STPG4: variants seen among roughly 807,000 people sequenced by gnomAD.
The protein encoded by STPG4 is sperm-tail PG-rich repeat containing 4.
Under a neutral mutation model 31.5 loss-of-function variants are expected in STPG4, and 41 were observed. That is an observed-to-expected ratio of 1.30 (90% CI 1.01 to 1.69). The LOEUF (loss-of-function observed/expected upper bound fraction) is 1.69. Ranked by LOEUF, STPG4 falls within the 40% of genes most tolerant of loss-of-function variation. The pLI is 0.00. For missense variants in STPG4, 375 were observed against 293.4 expected (o/e 1.28, Z -2.03); for synonymous variants, 141 against 103.0 (o/e 1.37, Z -2.24).
Position 47,150,161 on chromosome 2 carries a change from G to C in STPG4, c.399+1097C>G, listed in dbSNP as rs59415749. Among the ~76,000 whole-genome samples the C allele has an allele frequency of 9.9e-5, 15 of 152,186 alleles. No homozygotes were observed. The South Asian group carries it at 2.3e-3, about 23-fold the overall frequency. On this transcript the variant is annotated intron_variant, in intron 3 of 6. Transcript: ENST00000445927. ...GGAAGCAACTAAGAGAATATACATG[G>C]AAGCCCATAGTAAACCATTAAGAGC...
At chr2:47,140,273 T>C (rs2103793560) in intron 3 of STPG4, among the ~76,000 whole-genome samples, 1 of 152,288 alleles carries the variant, frequency 6.6e-6, no homozygotes, top group South Asian at 2.1e-4. Context: ...TAGTTTCTCC[T>C]GAGGGCAGGC....
intron 5 of STPG4, among the ~76,000 whole-genome samples, chr2:47,096,404 G>C (rs1685669560): frequency 6.6e-6 from 1 of 152,194 alleles, no homozygotes; most frequent in Non-Finnish European, 1.5e-5. Flanking sequence ...TCGAGGACAA[G>C]CCTAGAGAGA....
At chr2:47,154,951 A>G (rs1379594079) in intron 1 of STPG4, among the ~76,000 whole-genome samples, 3 of 152,176 alleles carry the variant, frequency 2.0e-5, no homozygotes, top group African/African-American at 7.2e-5. Context: ...GAGAAGGAAA[A>G]GGGAAGAAGC....
chr2:47,152,041 G>A (rs1686949997), intron 2 of STPG4, among the ~76,000 whole-genome samples: 1 of 152,154 alleles, frequency 6.6e-6, no homozygotes. Context: ...GGGATTACAG[G>A]CGTGAGCCAC....
chr2:47,129,626 C>T (rs1455981936), intron 5 of STPG4: 10 of 264,160 alleles, frequency 3.8e-5, no homozygotes, highest in Non-Finnish European at 7.2e-5. Flanking sequence ...GGCAGATTCT[C>T]TCTTCATGCC....
At chr2:47,110,242 C>A (rs375517302) in intron 5 of STPG4, among the ~76,000 whole-genome samples, 1 of 152,204 alleles carries the variant, frequency 6.6e-6, no homozygotes, top group East Asian at 1.9e-4. Flanking sequence ...AAAGTGTTTT[C>A]ATCTTAACCA....
intron 5 of STPG4, among the ~76,000 whole-genome samples, chr2:47,101,930 T>A (rs1685808964): frequency 6.6e-6 from 1 of 151,692 alleles, no homozygotes; most frequent in South Asian, 2.1e-4. Flanking sequence ...CTCTAACAGG[T>A]TTTCGAGAAT....
At chr2:47,124,509 C>A (rs967585122) in intron 5 of STPG4, among the ~76,000 whole-genome samples, 1 of 152,136 alleles carries the variant, frequency 6.6e-6, no homozygotes, top group Admixed American at 6.6e-5. Context: ...CCTACAAATA[C>A]ATGAGAACAT....
intron 5 of STPG4, among the ~76,000 whole-genome samples, chr2:47,105,767 TA>T (rs1362281235): frequency 6.6e-6 from 1 of 152,066 alleles, no homozygotes; most frequent in East Asian, 1.9e-4. Flanking sequence ...ACCTGAGCCT[TA>T]AAACTGGGAA....
chr2:47,151,329 T>G lies in STPG4; in HGVS notation c.328A>C (p.Lys110Gln), dbSNP rs367980908. The G allele has an allele frequency of 1.1e-4, 179 of 1,614,066 alleles. No homozygotes were observed. Among genetic ancestry groups the G allele is most frequent in the Non-Finnish European group, 1.5e-4 (177 of 1,180,000 alleles). ...TTGAATGAGTAAGTAGCCACTTGCTTCTTTAACAGGTCCAGGAAGTCAGGA... is the reference window on the plus strand; with the variant it reads ...TTGAATGAGTAAGTAGCCACTTGCTGCTTTAACAGGTCCAGGAAGTCAGGA... The part of the protein sequence containing the change: ...MPPDFLDLLK[K>Q]QVATYSFKDK... The change falls in exon 3 of 7, where the codon AAG becomes CAG. Residue 110 changes from lysine (K) to glutamine (Q), a missense_variant. Lys to Gln is a moderately conservative substitution (Grantham distance 53). Transcript: ENST00000445927.
chr2:47,117,851 A>G (rs1686182532), intron 5 of STPG4, among the ~76,000 whole-genome samples: 1 of 152,122 alleles, frequency 6.6e-6, no homozygotes. Context: ...TCAAGTGGGG[A>G]AACCTGGCCT....
chr2:47,120,597 G>C (rs1241219103), intron 5 of STPG4, among the ~76,000 whole-genome samples: 1 of 151,852 alleles, frequency 6.6e-6, no homozygotes, highest in African/African-American at 2.4e-5. Flanking sequence ...TTAGAGTTTA[G>C]TCCCAGTTCC....
intron 5 of STPG4, among the ~76,000 whole-genome samples, chr2:47,102,915 G>A (rs1187328422): frequency 6.6e-6 from 1 of 151,754 alleles, no homozygotes; most frequent in Non-Finnish European, 1.5e-5. Context: ...CAGGGTCTAG[G>A]GCAAACCTTT....
rs1477087400 is a variant in STPG4, at chr2:47,090,243, G to T, written c.624+27C>A. ...CCATAACCATACCCCTAGGGGTGGG[G>T]GGCGATCTGTCTTTCCGAATACTTA... On this transcript the variant is annotated intron_variant, in intron 6 of 6. Coordinates refer to ENST00000445927, the MANE Select transcript of STPG4 (RefSeq NM_001163561.2). The T allele has an allele frequency of 2.0e-6, 3 of 1,481,198 alleles. No individual in the cohort carries two copies. The East Asian group carries it at 7.4e-5, about 36-fold the overall frequency. The allele number at this position is 1,481,198 out of a possible 1,614,324, so 91.8% of individuals were successfully genotyped here.
At chr2:47,119,779 C>T (rs1329399090) in intron 5 of STPG4, among the ~76,000 whole-genome samples, 1 of 152,204 alleles carries the variant, frequency 6.6e-6, no homozygotes, top group Non-Finnish European at 1.5e-5. Context: ...ATTTGCAGGG[C>T]ACCAAGCAAG....
intron 5 of STPG4, among the ~76,000 whole-genome samples, chr2:47,103,598 G>C (rs2103743366): frequency 6.6e-6 from 1 of 152,040 alleles, no homozygotes; most frequent in Middle Eastern, 3.4e-3. Context: ...ACCTGGTAGG[G>C]CTTGTTATCA....
At chr2:47,137,863 CT>C (rs1326517782) in intron 3 of STPG4, among the ~76,000 whole-genome samples, 3 of 152,038 alleles carry the variant, frequency 2.0e-5, no homozygotes, top group Non-Finnish European at 4.4e-5. Flanking sequence ...TGTTTTCTCT[CT>C]TTTTTCTTAG....
intron 5 of STPG4, among the ~76,000 whole-genome samples, chr2:47,115,371 C>A (rs1262501689): frequency 1.3e-5 from 2 of 152,026 alleles, no homozygotes; most frequent in African/African-American, 2.4e-5. Context: ...TGGATCTGCT[C>A]CTTTGTTTTG....
intron 5 of STPG4, chr2:47,108,596 G>C (rs1368679449): frequency 6.1e-6 from 1 of 163,434 alleles, no homozygotes; most frequent in South Asian, 1.9e-4. Flanking sequence ...TCATGCCTCT[G>C]TCCTGGAGAT....
Sources: gnomAD v4.1 joint callset for allele counts (sites outside exome capture counted in the v4.1 genomes callset) on GRCh38, gnomAD v4.1.1 for gene constraint, MANE v1.5 for transcripts, NCBI Gene and HGNC (gene_info 2026-07-23, HGNC 2026-07-21) for gene names.